The following FAM186A variants were observed in gnomAD, a reference collection of about 807,000 sequenced individuals.
The protein encoded by FAM186A is family with sequence similarity 186 member A.
Under a neutral mutation model 216.8 loss-of-function variants are expected in FAM186A, and 163 were observed. The ratio of observed to expected loss-of-function variants is 0.75; its 90% CI spans 0.66 to 0.86. FAM186A has a LOEUF of 0.86. FAM186A is among the 40% of genes least tolerant of loss of function. The pLI, the probability that FAM186A is intolerant of heterozygous loss-of-function variation, is 0.00. For synonymous variants in FAM186A, 805 were observed against 1,025.3 expected (o/e 0.79, Z 4.10); for missense variants, 2,184 against 2,746.2 (o/e 0.80, Z 4.58).
chr12:50,359,633 C>T (rs1313305152), intron 3 of FAM186A, among the ~76,000 whole-genome samples: 1 of 152,066 alleles, frequency 6.6e-6, no homozygotes, highest in Admixed American at 6.6e-5. Flanking sequence ...AAAGTGGAAA[C>T]AATTCATATG....
chr12:50,357,515 A>G (rs1942989841), intron 3 of FAM186A, among the ~76,000 whole-genome samples: 1 of 131,080 alleles, frequency 7.6e-6, no homozygotes, highest in Admixed American at 8.9e-5. Flanking sequence ...AAAAAAAAAA[A>G]AAAGACACAC....
Position 50,354,163 on chromosome 12 carries a change from T to G in FAM186A, c.2669A>C (p.Lys890Thr). Residue 890 changes from lysine (K) to threonine (T), a missense_variant, in exon 4 of 8, where the codon AAG (lysine) becomes ACG (threonine). Around this residue, in one of 7 missense-constraint regions of FAM186A, gnomAD observed 1,132 missense variants for 1,263.4 expected, o/e 0.90. Transcript: ENST00000327337. ...TGGAGTTGCCTGTTTTTGCTCTTCC[T>G]TCCACATCTCTTCTTCCTGCCACTG... ...QKQWQEEEMW[K>T]EEQKQATPKQ... 1 of 1,551,710 alleles carries G rather than the reference T, an allele frequency of 6.4e-7. No homozygotes were observed. The highest frequency in any genetic ancestry group is 8.7e-7 in the Non-Finnish European group (1 of 1,146,988).
At chr12:50,331,875 T>C (rs745517801) in intron 5 of FAM186A, 54 bp from the exon 6 acceptor site, 83 of 1,438,504 alleles carry the variant, frequency 5.8e-5, no homozygotes, top group Non-Finnish European at 7.4e-5. Context: ...ACAGAATCTT[T>C]AGAAGGGTCT....
chr12:50,339,587 T>C (rs1162554582), intron 4 of FAM186A, among the ~76,000 whole-genome samples: 1 of 152,204 alleles, frequency 6.6e-6, no homozygotes, highest in African/African-American at 2.4e-5. Context: ...AAGAATTCTT[T>C]AGTTATCCTC....
At chr12:50,336,199 A>G (rs933869792) in intron 4 of FAM186A, among the ~76,000 whole-genome samples, 2 of 152,012 alleles carry the variant, frequency 1.3e-5, no homozygotes, top group African/African-American at 4.8e-5. Flanking sequence ...CAGTCATAAA[A>G]AGATTCTCCC....
At chr12:50,342,491 TAGAG>T (rs1394749710) in intron 4 of FAM186A, among the ~76,000 whole-genome samples, 1 of 150,770 alleles carries the variant, frequency 6.6e-6, no homozygotes, top group Non-Finnish European at 1.5e-5. Context: ...AATTTTTTTT[TAGAG>T]AGAGAGTCTC....
At chr12:50,336,222 T>C (rs1291679967) in intron 4 of FAM186A, among the ~76,000 whole-genome samples, 2 of 152,060 alleles carry the variant, frequency 1.3e-5, no homozygotes, top group Non-Finnish European at 2.9e-5. Flanking sequence ...TCTCTCTCTC[T>C]CCCTACTGCC....
At chr12:50,388,914 G>T (rs550065432) in intron 1 of FAM186A, among the ~76,000 whole-genome samples, 2 of 151,834 alleles carry the variant, frequency 1.3e-5, no homozygotes, top group South Asian at 4.2e-4. Context: ...TTAGCTGGGC[G>T]TGGTGCATGC....
chr12:50,330,573 C>T lies in FAM186A; in HGVS notation c.7034G>A (p.Arg2345Gln), dbSNP rs755940688. 91 of 1,549,666 alleles carry T rather than the reference C, an allele frequency of 5.9e-5. No homozygotes were observed. The highest frequency in any genetic ancestry group is 7.7e-5 in the Non-Finnish European group (88 of 1,146,348). ...AGAGTGCTTCCAGTCCATAACTTAC[C>T]GTGATTGGAGGGATGCAAGAGATTT... ...FRKSLASLQS[R>Q]VKKIPK The change falls in exon 7 of 8, where the codon CGG becomes CAG. Residue 2345 changes from arginine (R) to glutamine (Q), a missense_variant and splice_region_variant. Physicochemically the swap from Arg to Gln is conservative, Grantham distance 43. Around this residue, in one of 7 missense-constraint regions of FAM186A, gnomAD observed 721 missense variants for 816.4 expected, o/e 0.88. Coordinates refer to ENST00000327337, the MANE Select transcript of FAM186A (RefSeq NM_001145475.3).
intron 1 of FAM186A, among the ~76,000 whole-genome samples, chr12:50,391,399 T>C (rs1024408543): frequency 1.3e-5 from 2 of 151,748 alleles, no homozygotes; most frequent in Non-Finnish European, 2.9e-5. Flanking sequence ...CACTGCAACC[T>C]CTGCCTCCCA....
intron 4 of FAM186A, among the ~76,000 whole-genome samples, 195 bp from the exon 5 acceptor site, chr12:50,334,298 A>G (rs1197124135): frequency 6.6e-6 from 1 of 151,464 alleles, no homozygotes. Context: ...CAGCTTCCTG[A>G]GTAGCTGGGA....
chr12:50,383,532 G>A (rs996056001), intron 1 of FAM186A, among the ~76,000 whole-genome samples: 2 of 151,970 alleles, frequency 1.3e-5, no homozygotes, highest in African/African-American at 4.8e-5. Context: ...GGAGGCAGAA[G>A]TTGCAGTGAG....
At chr12:50,363,558 A>C (rs2136097981) in intron 1 of FAM186A, among the ~76,000 whole-genome samples, 194 bp from the exon 2 acceptor site, 1 of 152,248 alleles carries the variant, frequency 6.6e-6, no homozygotes, top group African/African-American at 2.4e-5. Flanking sequence ...TCATCCTAGC[A>C]ATGCTATGAT....
Position 50,360,882 on chromosome 12 carries a change from G to A in FAM186A, c.457C>T (p.His153Tyr), listed in dbSNP as rs2136096765. Reference sequence around the variant, plus strand: ...AACTCCATTTGTGCTATCCAGTGGTGGTGTTCATCAACATCCATTAGAGTC... The same window carrying A: ...AACTCCATTTGTGCTATCCAGTGGTAGTGTTCATCAACATCCATTAGAGTC... ...EMTLMDVDEH[H>Y]HWIAQMELLP... is the part of the protein sequence containing the mutation. Residue 153 changes from histidine (H) to tyrosine (Y), a missense_variant, in exon 3 of 8, where the codon CAC (histidine) becomes TAC (tyrosine). Around this residue, in one of 7 missense-constraint regions of FAM186A, gnomAD observed 1,132 missense variants for 1,263.4 expected, o/e 0.90. Coordinates refer to ENST00000327337, the MANE Select transcript of FAM186A (RefSeq NM_001145475.3). 6.5e-7 allele frequency: 1 copy of A among 1,549,910 alleles called. No homozygotes were observed. The highest frequency in any genetic ancestry group is 1.4e-5 in the African/African-American group (1 of 73,018).
intron 1 of FAM186A, among the ~76,000 whole-genome samples, chr12:50,379,989 G>T (rs1471690884): frequency 6.6e-6 from 1 of 152,106 alleles, no homozygotes; most frequent in Non-Finnish European, 1.5e-5. Context: ...ATGACAATAG[G>T]GTAGCAAAGA....
rs1290661715 is a variant in FAM186A, at chr12:50,350,448, G to T, written c.6384C>A (p.Leu2128=). The T allele has an allele frequency of 1.3e-6, 2 of 1,551,452 alleles. No individual in the cohort carries two copies. Among genetic ancestry groups the T allele is most frequent in the African/African-American group, 2.7e-5 (2 of 73,026 alleles). The part of the protein sequence containing the change: ...LLNQAIKTCG[L]PSQLHTMART... Reference sequence around the variant, plus strand: ...TAGCCATTGTGTGTAGCTGTGAAGGGAGTCCACAAGTTTTTATAGCCTGAT... The same window carrying T: ...TAGCCATTGTGTGTAGCTGTGAAGGTAGTCCACAAGTTTTTATAGCCTGAT... The change falls in exon 4 of 8, where the codon CTC becomes CTA. Residue 2128 remains leucine, a synonymous_variant. Coordinates refer to ENST00000327337, the MANE Select transcript of FAM186A (RefSeq NM_001145475.3).
chr12:50,361,615 G>T (rs1234601577), intron 2 of FAM186A, among the ~76,000 whole-genome samples: 3 of 145,876 alleles, frequency 2.1e-5, no homozygotes, highest in African/African-American at 5.1e-5. Flanking sequence ...CTGTCACCCA[G>T]GCTGGAGTGC....
At chr12:50,370,242 T>C (rs1943131680) in intron 1 of FAM186A, among the ~76,000 whole-genome samples, 1 of 151,296 alleles carries the variant, frequency 6.6e-6, no homozygotes. Flanking sequence ...AGGTAGAGGT[T>C]GCAGTGAGCC....
intron 4 of FAM186A, among the ~76,000 whole-genome samples, chr12:50,341,633 G>A (rs1335997082): frequency 2.0e-5 from 3 of 152,030 alleles, no homozygotes; most frequent in Admixed American, 6.6e-5. Context: ...TCAGGAGTTC[G>A]AGACCAACCT....
Sources: gnomAD v4.1 joint callset for allele counts (sites outside exome capture counted in the v4.1 genomes callset) on GRCh38, gnomAD v4.1.1 for gene constraint, gnomAD v4.1.1 regional missense constraint, MANE v1.5 for transcripts, NCBI Gene and HGNC (gene_info 2026-07-23, HGNC 2026-07-21) for gene names.